CDH11: variants seen among roughly 807,000 people sequenced by gnomAD.
CDH11 encodes cadherin 11, also known as cadherin-11.
In CDH11, 11 loss-of-function variants were observed where a neutral mutation model predicts 67.8. That is an observed-to-expected ratio of 0.16 (90% CI 0.10 to 0.27). The LOEUF (loss-of-function observed/expected upper bound fraction) is 0.27, where lower values mean the gene tolerates loss of function less well. Ranked by LOEUF, CDH11 falls within the 10% of genes least tolerant of loss-of-function variation. The pLI is 1.00. For synonymous variants in CDH11, 419 were observed against 400.0 expected (o/e 1.05, Z -0.57); for missense variants, 847 against 1,031.2 (o/e 0.82, Z 2.45).
chr16:64,953,399 T>C (rs949387764), intron 11 of CDH11, among the ~76,000 whole-genome samples: 3 of 152,058 alleles, frequency 2.0e-5, no homozygotes, highest in Admixed American at 1.3e-4. Context: ...CTAGTAGACC[T>C]GATATGACCA....
intron 11 of CDH11, among the ~76,000 whole-genome samples, chr16:64,965,288 AG>A (rs2071786387): frequency 6.6e-6 from 1 of 150,928 alleles, no homozygotes; most frequent in South Asian, 2.1e-4. Flanking sequence ...AGTCTGAGGC[AG>A]GAGAATTGCT....
intron 1 of CDH11, among the ~76,000 whole-genome samples, chr16:65,090,944 T>C (rs143470070): frequency 2.6e-5 from 4 of 152,282 alleles, no homozygotes; most frequent in Admixed American, 2.6e-4. Context: ...TAATTAAAAA[T>C]TGAAAATGAA....
intron 8 of CDH11, among the ~76,000 whole-genome samples, chr16:64,975,673 C>G (rs2072145753): frequency 6.6e-6 from 1 of 152,094 alleles, no homozygotes; most frequent in Non-Finnish European, 1.5e-5. Context: ...CTGTGATGAA[C>G]AGTTGAGTGC....
At chr16:65,118,807 T>C (rs1305032958) in intron 1 of CDH11, 3 of 152,240 alleles carry the variant, frequency 2.0e-5, no homozygotes, top group Non-Finnish European at 2.9e-5. Context: ...AATGAGTAAG[T>C]ATGCCTGTCA....
rs1331818686 is a variant in CDH11, at chr16:65,075,375, G to A, written c.-297-21447C>T. On this transcript the variant is annotated intron_variant, in intron 1 of 12. Transcript: ENST00000268603. ...AAAGCCCGTTTCCCTGTCTCCAAGTGGGATGAGGGGGCTCTCTTCATCAAA... is the reference window on the plus strand; with the variant it reads ...AAAGCCCGTTTCCCTGTCTCCAAGTAGGATGAGGGGGCTCTCTTCATCAAA... 9.7e-4 allele frequency among the ~76,000 whole-genome samples: 148 copies of A among 152,286 alleles called. 1 individual carries two copies. Among genetic ancestry groups the A allele is most frequent in the Non-Finnish European group, 3.4e-4 (23 of 68,020 alleles).
chr16:65,071,135 C>T (rs902716696), intron 1 of CDH11, among the ~76,000 whole-genome samples: 1 of 152,204 alleles, frequency 6.6e-6, no homozygotes, highest in East Asian at 1.9e-4. Flanking sequence ...GAGCTGACAC[C>T]TCGAGCAGAA....
chr16:65,004,531 C>T, intron 3 of CDH11, 111 bp downstream of exon 3: 1 of 1,102,408 alleles, frequency 9.1e-7, no homozygotes, highest in Non-Finnish European at 1.3e-6. Context: ...CTCTTCAAGC[C>T]ATTGGTGTTT....
At chr16:65,024,938 T>G (rs977818645) in intron 2 of CDH11, among the ~76,000 whole-genome samples, 3 of 152,232 alleles carry the variant, frequency 2.0e-5, no homozygotes, top group Non-Finnish European at 4.4e-5. Flanking sequence ...CACACAATTT[T>G]TCTTTGAAAA....
intron 1 of CDH11, among the ~76,000 whole-genome samples, chr16:65,060,250 A>G (rs868726345): frequency 2.0e-5 from 3 of 151,978 alleles, no homozygotes; most frequent in Non-Finnish European, 2.9e-5. Flanking sequence ...TTCCCCTCCC[A>G]CTCAGCAATG....
chr16:64,950,891 G>T lies in CDH11; in HGVS notation c.1770C>A (p.Ile590=), dbSNP rs879110878. ...CGTTCACGTCGCACCCGCAGACTTT[G>T]ATGGTGAGGGTGTTGGTGCTACTCA... ...PPMSSTNTLT[I]KVCGCDVNGA... The change falls in exon 12 of 13, where the codon ATC becomes ATA. Residue 590 remains isoleucine (I), a synonymous_variant. Transcript: ENST00000268603. 7 of 1,614,136 alleles carry T rather than the reference G, an allele frequency of 4.3e-6. No individual in the cohort carries two copies. The African/African-American group carries it at 5.3e-5, about 12-fold the overall frequency.
At chr16:65,057,296 C>T (rs1021770755) in intron 1 of CDH11, among the ~76,000 whole-genome samples, 2 of 152,178 alleles carry the variant, frequency 1.3e-5, no homozygotes, top group Non-Finnish European at 2.9e-5. Flanking sequence ...TTCCTACCTA[C>T]TCTCGGGACT....
At chr16:65,117,372 T>G (rs2075260521) in intron 1 of CDH11, among the ~76,000 whole-genome samples, 1 of 152,240 alleles carries the variant, frequency 6.6e-6, no homozygotes. Context: ...ATAGCATTAG[T>G]TTCTTTTTGC....
chr16:65,069,887 C>G lies in CDH11; in HGVS notation c.-297-15959G>C, dbSNP rs558705023. On this transcript the variant is annotated intron_variant, in intron 1 of 12. Transcript: ENST00000268603. ...TGCACCATAGGACTGTGCTGGGGAC[C>G]AGGGACACGGTGATGAACAAGATTA... Among the ~76,000 whole-genome samples, 11 of 152,234 alleles carry G rather than the reference C, an allele frequency of 7.2e-5. No individual in the cohort carries two copies. In the South Asian group the frequency reaches 2.1e-3, roughly 29 times the overall value.
intron 2 of CDH11, among the ~76,000 whole-genome samples, chr16:65,025,134 C>T (rs1228283291): frequency 2.0e-5 from 3 of 152,194 alleles, no homozygotes; most frequent in Non-Finnish European, 2.9e-5. Flanking sequence ...TAACAACTCA[C>T]TTCCCCTCTC....
upstream of CDH11, among the ~76,000 whole-genome samples, chr16:65,122,681 T>C (rs559694342): frequency 9.2e-5 from 14 of 151,928 alleles, no homozygotes; most frequent in Non-Finnish European, 1.8e-4. Flanking sequence ...CAAACTCTTC[T>C]GGTGGCTCTG....
chr16:65,113,176 C>G (rs2075188675), intron 1 of CDH11, among the ~76,000 whole-genome samples: 1 of 151,788 alleles, frequency 6.6e-6, no homozygotes, highest in Admixed American at 6.6e-5. Flanking sequence ...GTCTCAGCCA[C>G]TCTGGAAGCT....
intron 1 of CDH11, among the ~76,000 whole-genome samples, chr16:65,086,974 T>C (rs2074712286): frequency 6.6e-6 from 1 of 152,166 alleles, no homozygotes; most frequent in Non-Finnish European, 1.5e-5. Flanking sequence ...CGTCAAATAT[T>C]CGACTTTAGG....
At chr16:65,082,163 T>C (rs2074621979) in intron 1 of CDH11, among the ~76,000 whole-genome samples, 1 of 152,158 alleles carries the variant, frequency 6.6e-6, no homozygotes, top group Non-Finnish European at 1.5e-5. Context: ...GCTCCCTGGG[T>C]TGAGGCAGTT....
Position 64,954,621 on chromosome 16 carries a change from C to T in CDH11, c.1643-3603G>A, listed in dbSNP as rs141114209. The stretch of plus-strand genomic sequence containing the variant: ...AAAGGTGAACACAGTGGGTAGGAGA[C>T]GTGTCTAGCAGCCTGGTTTGGCATT... On this transcript the variant is annotated intron_variant, in intron 11 of 12. Coordinates refer to ENST00000268603, the MANE Select transcript of CDH11 (RefSeq NM_001797.4). Among the ~76,000 whole-genome samples, 210 of 152,230 alleles carry T rather than the reference C, an allele frequency of 1.4e-3. 3 individuals carry two copies. Among genetic ancestry groups the T allele is most frequent in the African/African-American group, 4.5e-3 (188 of 41,552 alleles).
Sources: allele counts gnomAD v4.1 joint callset (sites outside exome capture counted in the v4.1 genomes callset), GRCh38; gene constraint gnomAD v4.1.1; transcripts MANE v1.5; gene names NCBI Gene and HGNC (gene_info 2026-07-23, HGNC 2026-07-21).